Variants in CSMD3 observed in about 807,000 individuals in gnomAD.
CSMD3 encodes CUB and sushi domain-containing protein 3.
A neutral mutation model predicts 435.2 loss-of-function variants in CSMD3; 177 were observed. The observed-to-expected ratio is 0.41, with a 90% CI of 0.36 to 0.46. CSMD3 has a LOEUF of 0.46. Ranked by LOEUF, CSMD3 falls within the 20% of genes least tolerant of loss-of-function variation. CSMD3 has a pLI of 0.34. For missense variants in CSMD3, 4,265 were observed against 4,504.6 expected (o/e 0.95, Z 1.52); for synonymous variants, 1,656 against 1,520.5 (o/e 1.09, Z -2.07).
At chr8:112,639,674 A>G (rs1356843420) in intron 20 of CSMD3, among the ~76,000 whole-genome samples, 1 of 152,118 alleles carries the variant, frequency 6.6e-6, no homozygotes, top group African/African-American at 2.4e-5. Flanking sequence ...TATAGATTGG[A>G]ATCATATATA....
chr8:112,947,840 G>A lies in CSMD3; in HGVS notation c.1458C>T (p.Cys486=), dbSNP rs2083668830. The change falls in exon 9 of 71, where the codon TGC becomes TGT. Residue 486 remains cysteine, a synonymous_variant. Coordinates refer to ENST00000297405, the MANE Select transcript of CSMD3 (RefSeq NM_198123.2). ...CATTTTCTGGTTCTCCTGGATCTGG[G>A]CATAAATTGGAAGCTGTTTTAATAC... ...EGGIKTASNL[C]PDPGEPENGK... The A allele has an allele frequency of 6.4e-7, 1 of 1,551,044 alleles. No homozygotes were observed.
At chr8:112,635,704 C>T (rs911920489) in intron 22 of CSMD3, among the ~76,000 whole-genome samples, 1 of 152,076 alleles carries the variant, frequency 6.6e-6, no homozygotes, top group East Asian at 1.9e-4. Context: ...TTCAGACCCA[C>T]ACTAACTTGG....
chr8:113,029,159 T>C (rs2086986937), intron 5 of CSMD3, among the ~76,000 whole-genome samples: 1 of 151,412 alleles, frequency 6.6e-6, no homozygotes, highest in East Asian at 1.9e-4. Flanking sequence ...TCAAAAATAG[T>C]CCAGGACCAT....
rs528078824 is a variant in CSMD3, at chr8:113,234,122, A to G, written c.514+44470T>C. ...AGATAGTTCCGAATAAAGGCAGTCA[A>G]TGTTGTTGCTCAGAAGACATGCAGA... On this transcript the variant is annotated intron_variant, in intron 3 of 70. Transcript: ENST00000297405. Among the ~76,000 whole-genome samples, 10 of 152,264 alleles carry G rather than the reference A, an allele frequency of 6.6e-5. No homozygotes were observed. In the South Asian group the frequency reaches 2.1e-3, roughly 32 times the overall value.
intron 3 of CSMD3, among the ~76,000 whole-genome samples, chr8:113,209,651 G>A (rs763132811): frequency 3.3e-5 from 5 of 152,146 alleles, no homozygotes; most frequent in East Asian, 3.9e-4. Context: ...TGAGATTTCC[G>A]GTATTTCATA....
intron 32 of CSMD3, among the ~76,000 whole-genome samples, chr8:112,470,946 A>T (rs1563580034): frequency 6.6e-6 from 1 of 152,162 alleles, no homozygotes; most frequent in Non-Finnish European, 1.5e-5. Flanking sequence ...ACCAACTATT[A>T]TTGGCTCAAC....
chr8:112,934,121 GC>G (rs2083204845), intron 9 of CSMD3, among the ~76,000 whole-genome samples: 2 of 152,070 alleles, frequency 1.3e-5, no homozygotes, highest in Non-Finnish European at 2.9e-5. Context: ...CTAGGATAAG[GC>G]ATACTAGTTT....
chr8:112,243,705 A>G (rs1213491077), intron 65 of CSMD3, among the ~76,000 whole-genome samples: 2 of 152,140 alleles, frequency 1.3e-5, no homozygotes, highest in Non-Finnish European at 2.9e-5. Flanking sequence ...ACTCTAATGA[A>G]TAGTGTACCC....
chr8:112,556,734 T>G, intron 25 of CSMD3, 29 bp downstream of exon 25: 1 of 1,549,138 alleles, frequency 6.5e-7, no homozygotes, highest in Non-Finnish European at 8.9e-7. Context: ...CACAGAAATA[T>G]TCAATGAAAA....
intron 35 of CSMD3, among the ~76,000 whole-genome samples, chr8:112,398,289 G>T (rs187982631): frequency 1.2e-4 from 19 of 152,270 alleles, no homozygotes; most frequent in Admixed American, 8.5e-4. Flanking sequence ...CCTACTGGAG[G>T]TTATAGTCTT....
At chr8:112,650,864 T>TA (rs199589459) in intron 18 of CSMD3, among the ~76,000 whole-genome samples, 2 of 151,268 alleles carry the variant, frequency 1.3e-5, no homozygotes, top group African/African-American at 2.4e-5. Context: ...CACTTCAGTG[T>TA]CTCCTGATAT....
intron 4 of CSMD3, among the ~76,000 whole-genome samples, chr8:113,127,725 C>A (rs189443627): frequency 6.6e-6 from 1 of 152,114 alleles, no homozygotes; most frequent in East Asian, 1.9e-4. Context: ...AAATTCTAAG[C>A]ATATAATTAA....
chr8:113,176,492 A>C (rs868318850), intron 3 of CSMD3, among the ~76,000 whole-genome samples: 3 of 152,278 alleles, frequency 2.0e-5, no homozygotes, highest in Middle Eastern at 3.4e-3. Context: ...TTATGTTCTG[A>C]TTGAACATTC....
intron 4 of CSMD3, among the ~76,000 whole-genome samples, chr8:113,111,072 T>G (rs2090624107): frequency 6.6e-6 from 1 of 152,058 alleles, no homozygotes; most frequent in East Asian, 1.9e-4. Context: ...ATATCATCAC[T>G]ATGGAGAGAG....
At chr8:113,058,553 T>C (rs992758181) in intron 5 of CSMD3, among the ~76,000 whole-genome samples, 1 of 151,984 alleles carries the variant, frequency 6.6e-6, no homozygotes, top group Non-Finnish European at 1.5e-5. Flanking sequence ...TAAGTCAATT[T>C]ATTCATTAGC....
chr8:112,514,970 C>T (rs1823520138), intron 28 of CSMD3, among the ~76,000 whole-genome samples: 1 of 151,758 alleles, frequency 6.6e-6, no homozygotes, highest in South Asian at 2.1e-4. Flanking sequence ...CTTTTCCTAC[C>T]AAAAATAATA....
chr8:112,410,572 A>G (rs951472321), intron 32 of CSMD3, among the ~76,000 whole-genome samples: 14 of 139,150 alleles, frequency 1.0e-4, no homozygotes, highest in African/African-American at 3.6e-4. Context: ...GAATTGTACT[A>G]TGTATATACA....
chr8:112,783,762 A>G (rs2078462909), intron 13 of CSMD3, among the ~76,000 whole-genome samples: 1 of 152,060 alleles, frequency 6.6e-6, no homozygotes, highest in African/African-American at 2.4e-5. Context: ...ATTCCATGCA[A>G]AAGGAAACAA....
intron 12 of CSMD3, among the ~76,000 whole-genome samples, chr8:112,802,891 A>G (rs1179827598): frequency 1.3e-5 from 2 of 152,042 alleles, no homozygotes; most frequent in African/African-American, 4.8e-5. Flanking sequence ...ATGCATGGGT[A>G]ATCTGGACTC....
Sources: allele counts gnomAD v4.1 joint callset (sites outside exome capture counted in the v4.1 genomes callset), GRCh38; gene constraint gnomAD v4.1.1; transcripts MANE v1.5; gene names NCBI Gene and HGNC (gene_info 2026-07-23, HGNC 2026-07-21).